The following TNFSF4 variants were observed in gnomAD, a reference collection of about 807,000 sequenced individuals.
TNFSF4 encodes TNF superfamily member 4, also known as tumor necrosis factor ligand superfamily member 4.
In TNFSF4, 4 loss-of-function variants were observed where a neutral mutation model predicts 7.3. That is an observed-to-expected ratio of 0.55 (90% CI 0.27 to 1.25). The LOEUF (loss-of-function observed/expected upper bound fraction) is 1.25, where lower values mean the gene tolerates loss of function less well. Among genes scored for constraint, TNFSF4 ranks in the 50% most tolerant of loss-of-function variants. The pLI is 0.12. For missense variants in TNFSF4, 181 were observed against 208.8 expected, an observed-to-expected ratio of 0.87 and a Z score of 0.82; for synonymous variants, 76 against 83.7, an observed-to-expected ratio of 0.91 and a Z score of 0.50.
At chr1:173,356,132 T>A in the TNFSF4 span, among the ~76,000 whole-genome samples, 1 of 152,226 alleles carries the variant, frequency 6.6e-6, no homozygotes, top group Non-Finnish European at 1.5e-5. Context: ...GGCAGGCTTA[T>A]GTGAGGGCAA....
chr1:173,224,853 C>CTCCA, the TNFSF4 span, among the ~76,000 whole-genome samples: 8 of 152,344 alleles, frequency 5.3e-5, no homozygotes, highest in East Asian at 1.5e-3. Flanking sequence ...CAAACCTTAG[C>CTCCA]TCCAGTCAAG....
chr1:173,331,029 C>G, the TNFSF4 span, among the ~76,000 whole-genome samples: 3 of 151,836 alleles, frequency 2.0e-5, no homozygotes, highest in African/African-American at 7.3e-5. Context: ...GGATTACAGG[C>G]GCCCACCACC....
chr1:173,298,555 CTGTT>C, the TNFSF4 span, among the ~76,000 whole-genome samples: 1 of 151,906 alleles, frequency 6.6e-6, no homozygotes, highest in African/African-American at 2.4e-5. Flanking sequence ...CTCATTCCCT[CTGTT>C]TGTATCATCC....
the TNFSF4 span, among the ~76,000 whole-genome samples, chr1:173,371,298 A>T: frequency 2.0e-5 from 3 of 152,138 alleles, no homozygotes; most frequent in Non-Finnish European, 4.4e-5. Flanking sequence ...TGCTTTTTTC[A>T]CATGCCTTTC....
At chr1:173,205,314 G>T in intron 1 of TNFSF4, 1 of 1,612,152 alleles carries the variant, frequency 6.2e-7, no homozygotes, top group South Asian at 1.1e-5. Flanking sequence ...CACTCACCAT[G>T]AGGTTTAGTG....
At chr1:173,300,099 GTAGATAGATAGATAGATAGA>G in the TNFSF4 span, among the ~76,000 whole-genome samples, 54 of 147,858 alleles carry the variant, frequency 3.7e-4, no homozygotes, top group East Asian at 1.6e-3. Context: ...AAAATAGATG[GTAGATAGATAGATAGATAGA>G]TAGATAGATA....
chr1:173,386,522 G>A, the TNFSF4 span, among the ~76,000 whole-genome samples: 1 of 152,258 alleles, frequency 6.6e-6, no homozygotes, highest in East Asian at 1.9e-4. Flanking sequence ...ATGCCTAGTC[G>A]AGCCATGGGA....
In TNFSF4 at chr1:173,184,649, A is replaced by C. The variant is rs1649145865; in HGVS notation, c.*1867T>G. 6.6e-6 allele frequency: 1 copy of C among 152,090 alleles called. No individual in the cohort carries two copies. Among genetic ancestry groups the C allele is most frequent in the Admixed American group, 6.6e-5 (1 of 15,244 alleles). The allele number at this position is 152,090 out of a possible 1,614,324, so 9.4% of individuals were successfully genotyped here. ...ATAAACGTTTACTTTTTCGGATATC[A>C]CTCACTGAGTAACTGCAATTTTGCA... is the stretch of plus-strand genomic sequence containing the variant. On this transcript the variant is annotated 3_prime_UTR_variant, in exon 3 of 3. Coordinates refer to ENST00000281834, the MANE Select transcript of TNFSF4 (RefSeq NM_003326.5).
the TNFSF4 span, among the ~76,000 whole-genome samples, chr1:173,436,958 C>A: frequency 5.3e-5 from 8 of 152,148 alleles, no homozygotes; most frequent in Admixed American, 5.2e-4. Flanking sequence ...GAATGCCCAG[C>A]GTGTTATGAG....
At chr1:173,437,727 C>A in the TNFSF4 span, among the ~76,000 whole-genome samples, 1 of 152,150 alleles carries the variant, frequency 6.6e-6, no homozygotes, top group South Asian at 2.1e-4. Context: ...CATATGTGGT[C>A]ACTCTATTCT....
the TNFSF4 span, among the ~76,000 whole-genome samples, chr1:173,419,078 G>A: frequency 0.08 from 12,106 of 152,220 alleles, 728 homozygotes; most frequent in East Asian, 0.27. Flanking sequence ...TGTGGCTCAC[G>A]CCTGTAATCC....
chr1:173,260,036 T>A, the TNFSF4 span, among the ~76,000 whole-genome samples: 1 of 151,930 alleles, frequency 6.6e-6, no homozygotes, highest in African/African-American at 2.4e-5. Flanking sequence ...AGACACATAA[T>A]CGTCAGATTC....
chr1:173,235,313 A>G, the TNFSF4 span, among the ~76,000 whole-genome samples: 2 of 152,286 alleles, frequency 1.3e-5, no homozygotes, highest in African/African-American at 4.8e-5. Context: ...CTCTCAGAGA[A>G]AAAAGGGGGA....
chr1:173,332,244 C>G, the TNFSF4 span, among the ~76,000 whole-genome samples: 1 of 152,196 alleles, frequency 6.6e-6, no homozygotes, highest in South Asian at 2.1e-4. Context: ...GCAAAGTAGT[C>G]CTTCCCTTTC....
the TNFSF4 span, among the ~76,000 whole-genome samples, chr1:173,286,991 A>C: frequency 1.3e-5 from 2 of 152,174 alleles, no homozygotes; most frequent in Non-Finnish European, 2.9e-5. Flanking sequence ...AAATGTGCCC[A>C]GCATCCATAG....
the TNFSF4 span, among the ~76,000 whole-genome samples, chr1:173,283,081 G>T: frequency 6.6e-6 from 1 of 152,130 alleles, no homozygotes; most frequent in Non-Finnish European, 1.5e-5. Flanking sequence ...TCAAAGGTAA[G>T]TTACTCATTC....
At chr1:173,272,113 C>G in the TNFSF4 span, among the ~76,000 whole-genome samples, 25 of 152,148 alleles carry the variant, frequency 1.6e-4, no homozygotes, top group East Asian at 4.8e-3. Context: ...AACCAAACAC[C>G]AAATATTCTC....
chr1:173,277,682 T>C, the TNFSF4 span, among the ~76,000 whole-genome samples: 4 of 152,240 alleles, frequency 2.6e-5, no homozygotes, highest in African/African-American at 9.6e-5. Context: ...ACTATTAGAA[T>C]CCAGGCAATG....
the TNFSF4 span, among the ~76,000 whole-genome samples, chr1:173,376,592 C>A: frequency 2.6e-5 from 4 of 152,188 alleles, no homozygotes; most frequent in Non-Finnish European, 5.9e-5. Flanking sequence ...TTTGTAAATG[C>A]ACCAATCAGT....
Sources: allele counts gnomAD v4.1 joint callset (sites outside exome capture counted in the v4.1 genomes callset), GRCh38; gene constraint gnomAD v4.1.1; transcripts MANE v1.5; gene names NCBI Gene and HGNC (gene_info 2026-07-23, HGNC 2026-07-21).